The following OR9A4 variants were observed in gnomAD, a reference collection of about 807,000 sequenced individuals.
The protein encoded by OR9A4 is olfactory receptor 9A4.
Under a neutral mutation model 17.1 loss-of-function variants are expected in OR9A4, and 16 were observed. The ratio of observed to expected loss-of-function variants is 0.94; its 90% CI spans 0.64 to 1.43. OR9A4 has a LOEUF of 1.43. Among genes scored for constraint, OR9A4 ranks in the 40% most tolerant of loss-of-function variants. OR9A4 has a pLI of 0.00. For synonymous variants in OR9A4, 167 were observed against 143.3 expected, an observed-to-expected ratio of 1.17 and a Z score of -1.18; for missense variants, 392 against 382.1, an observed-to-expected ratio of 1.03 and a Z score of -0.22.
At position 141,918,896 on chromosome 7, in the gene OR9A4, T is replaced by C; in HGVS notation, c.21T>C (p.Ser7=). 6.2e-7 allele frequency: 1 copy of C among 1,610,248 alleles called. No homozygotes were observed. Residue 7 remains serine (S), a synonymous_variant, in exon 2 of 2, where the codon AGT becomes AGC. Transcript: ENST00000641559. ...ACTAAATGTTGATGAATTACTCTAGTGCCACTGAATTTTATCTCCTTGGCT... is the reference window on the plus strand; with the variant it reads ...ACTAAATGTTGATGAATTACTCTAGCGCCACTGAATTTTATCTCCTTGGCT... MLMNYS[S]ATEFYLLGFP...
chr7:141,919,859 A>G lies in OR9A4; in HGVS notation c.*39A>G, dbSNP rs782285797. On this transcript the variant is annotated 3_prime_UTR_variant, in exon 2 of 2. Coordinates refer to ENST00000641559, the MANE Select transcript of OR9A4 (RefSeq NM_001001656.3). The stretch of plus-strand genomic sequence containing the variant: ...ACTTTTACATGGTAAAGCACTTAGT[A>G]TGGATTCTAGAATAATCTGAAAAGA... 2 of 1,441,058 alleles carry G rather than the reference A, an allele frequency of 1.4e-6. No individual in the cohort carries two copies. Among genetic ancestry groups the G allele is most frequent in the Non-Finnish European group, 1.9e-6 (2 of 1,053,282 alleles). 89.3% of individuals were successfully genotyped at this position (1,441,058 alleles called of 1,614,324 possible).
intron 1 of OR9A4, among the ~76,000 whole-genome samples, chr7:141,917,477 C>T (rs782179723): frequency 2.0e-5 from 3 of 152,116 alleles, no homozygotes; most frequent in Admixed American, 6.5e-5. Flanking sequence ...AACAGGTGGT[C>T]ACGGAGGAGC....
At position 141,916,433 on chromosome 7, in the gene OR9A4, G is replaced by T. The variant is rs1285915; in HGVS notation, c.-234G>T. The T allele has an allele frequency of 0.11, 16,185 of 152,266 alleles. 1,196 individuals are homozygous for T. Among genetic ancestry groups the T allele is most frequent in the Non-Finnish European group, 0.16 (10,926 of 68,034 alleles). 9.4% of individuals were successfully genotyped at this position (152,266 alleles called of 1,614,324 possible). A position where few individuals can be genotyped will look rare whatever the true frequency, so the allele number is the denominator to read the frequency against. ...AAGCAAAGAGAAGGAGAGAGATAGA[G>T]ACAGTTGGACTCTCTCCTCAGCACT... On this transcript the variant is annotated 5_prime_UTR_variant, in exon 1 of 2. Transcript: ENST00000641559.
chr7:141,919,212 G>T lies in OR9A4; in HGVS notation c.337G>T (p.Ala113Ser), dbSNP rs782435363. 3 of 1,614,092 alleles carry T rather than the reference G, an allele frequency of 1.9e-6. No homozygotes were observed. Among genetic ancestry groups the T allele is most frequent in the South Asian group, 2.2e-5 (2 of 91,078 alleles). ...LYLAVGTTEF[A>S]LLGAMAVDRY... is the part of the protein sequence containing the mutation. ...CCTTGCTGTGGGGACAACAGAGTTCGCATTACTTGGAGCAATGGCTGTGGA... is the reference window on the plus strand; with the variant it reads ...CCTTGCTGTGGGGACAACAGAGTTCTCATTACTTGGAGCAATGGCTGTGGA... Residue 113 changes from alanine to serine, a missense_variant, in exon 2 of 2, where the codon GCA becomes TCA. By Grantham distance (99) the Ala-to-Ser change is moderately conservative. Transcript: ENST00000641559.
chr7:141,918,723 A>T (rs1259054863), intron 1 of OR9A4, 123 bp from the exon 2 acceptor site: 1 of 607,404 alleles, frequency 1.6e-6, no homozygotes, highest in Non-Finnish European at 2.9e-6. Context: ...TGACATCAAC[A>T]TCGTGTAGAA....
chr7:141,916,954 C>G (rs150634758), intron 1 of OR9A4, among the ~76,000 whole-genome samples: 1 of 152,170 alleles, frequency 6.6e-6, no homozygotes, highest in Admixed American at 6.5e-5. Flanking sequence ...AGAGAGATTG[C>G]AGGTTGACTT....
Position 141,919,808 on chromosome 7 carries a change from A to G in OR9A4, c.933A>G (p.Leu311=). The change falls in exon 2 of 2, where the codon CTA becomes CTG. Residue 311 remains leucine, a synonymous_variant. Transcript: ENST00000641559. ...ATGGGGTGAAACGCTGCTGTCAACT[A>G]TTCAGGAATTAGCCTTGCTCTGAGG... ...LRDGVKRCCQ[L]FRN 1.2e-6 allele frequency: 2 copies of G among 1,609,900 alleles called. No individual in the cohort carries two copies. The highest frequency in any genetic ancestry group is 4.5e-5 in the East Asian group (2 of 44,820).
At chr7:141,917,892 G>A (rs1234848159) in intron 1 of OR9A4, among the ~76,000 whole-genome samples, 2 of 152,234 alleles carry the variant, frequency 1.3e-5, no homozygotes, top group South Asian at 2.1e-4. Flanking sequence ...GAAGAAGTGG[G>A]TAATCCACTC....
intron 1 of OR9A4, among the ~76,000 whole-genome samples, chr7:141,917,049 A>C (rs181637289): frequency 1.0e-3 from 154 of 152,252 alleles, no homozygotes; most frequent in African/African-American, 3.6e-3. Context: ...TCTTTAATCT[A>C]TTCATTGATA....
In OR9A4 at chr7:141,920,126, T is replaced by G; in HGVS notation, c.*306T>G. The G allele has an allele frequency of 4.1e-6, 1 of 242,574 alleles. No homozygotes were observed. The allele number at this position is 242,574 out of a possible 1,614,324, so 15.0% of individuals were successfully genotyped here. ...AAATGTCAGAGATAGACTATCTATA[T>G]AGTCTAGAAAATAGACTAGTGGTTG... On this transcript the variant is annotated 3_prime_UTR_variant, in exon 2 of 2. Coordinates refer to ENST00000641559, the MANE Select transcript of OR9A4 (RefSeq NM_001001656.3).
rs12671397 is a variant in OR9A4 at position 141,919,352 on chromosome 7, G to T, written c.477G>T (p.Pro159=). 10 of 1,614,060 alleles carry T rather than the reference G, an allele frequency of 6.2e-6. No homozygotes were observed. The highest frequency in any genetic ancestry group is 1.6e-4 in the Middle Eastern group (1 of 6,062). Residue 159 remains proline (P), a synonymous_variant, in exon 2 of 2, where the codon CCG becomes CCT. Transcript: ENST00000641559. The part of the protein sequence containing the change: ...WVFGFLFQIW[P]VYVMFQLTYC... ...TTGGGTTTCTTTTTCAAATCTGGCC[G>T]GTCTATGTCATGTTTCAGCTTACTT...
rs1425304253 is a variant in OR9A4 at position 141,919,654 on chromosome 7, T to G, written c.779T>G (p.Val260Gly). 12 of 1,614,036 alleles carry G rather than the reference T, an allele frequency of 7.4e-6. No homozygotes were observed. The highest frequency in any genetic ancestry group is 5.1e-6 in the Non-Finnish European group (6 of 1,180,036). ...TACGGCAGCTGCTTGTTTCTCTACG[T>G]GAAACCCAAGCAAACGCAGGCAGCT... is the stretch of plus-strand genomic sequence containing the variant. ...IGYGSCLFLY[V>G]KPKQTQAADY... Residue 260 changes from valine to glycine, a missense_variant, in exon 2 of 2, where the codon GTG becomes GGG. Physicochemically the swap from Val to Gly is moderately radical, Grantham distance 109. Coordinates refer to ENST00000641559, the MANE Select transcript of OR9A4 (RefSeq NM_001001656.3).
intron 1 of OR9A4, among the ~76,000 whole-genome samples, chr7:141,918,156 G>A (rs192372603): frequency 2.0e-5 from 3 of 152,312 alleles, no homozygotes; most frequent in Admixed American, 2.0e-4. Context: ...TTTTGAGACG[G>A]AGTCTCACTC....
At chr7:141,917,707 C>T (rs1554438881) in intron 1 of OR9A4, among the ~76,000 whole-genome samples, 2 of 152,162 alleles carry the variant, frequency 1.3e-5, no homozygotes, top group African/African-American at 4.8e-5. Context: ...ATTAAAGTTC[C>T]AGCCTCTTCA....
Position 141,919,761 on chromosome 7 carries a change from A to G in OR9A4, c.886A>G (p.Lys296Glu), listed in dbSNP as rs1802251987. ...NPFIFTLRND[K>E]VIEALRDGVK... Reference sequence around the variant, plus strand: ...TTTCATCTTCACCCTCCGGAATGATAAAGTCATAGAGGCCCTTCGGGATGG... The same window carrying G: ...TTTCATCTTCACCCTCCGGAATGATGAAGTCATAGAGGCCCTTCGGGATGG... Residue 296 changes from lysine (K) to glutamate (E), a missense_variant, in exon 2 of 2, where the codon AAA (lysine) becomes GAA (glutamate). By Grantham distance (56) the Lys-to-Glu change is moderately conservative (BLOSUM62 1). Transcript: ENST00000641559. 6.2e-7 allele frequency: 1 copy of G among 1,614,058 alleles called. No homozygotes were observed. Among genetic ancestry groups the G allele is most frequent in the East Asian group, 2.2e-5 (1 of 44,886 alleles).
At position 141,919,781 on chromosome 7, in the gene OR9A4, G is replaced by A. The variant is rs782445685; in HGVS notation, c.906G>A (p.Arg302=). The change falls in exon 2 of 2, where the codon CGG becomes CGA. Residue 302 remains arginine, a synonymous_variant. Transcript: ENST00000641559. The part of the protein sequence containing the change: ...LRNDKVIEAL[R]DGVKRCCQLF... ...ATGATAAAGTCATAGAGGCCCTTCG[G>A]GATGGGGTGAAACGCTGCTGTCAAC... 76 of 1,613,886 alleles carry A rather than the reference G, an allele frequency of 4.7e-5. 2 individuals carry two copies. The Middle Eastern group carries it at 5.0e-4, about 11-fold the overall frequency.
chr7:141,919,274 C>T lies in OR9A4; in HGVS notation c.399C>T (p.Asn133=). The change falls in exon 2 of 2, where the codon AAC becomes AAT. Residue 133 remains asparagine (N), a synonymous_variant. Transcript: ENST00000641559. ...CTGTCTGTAACCCTCTGAGGTACAACATCATTATGAACAGACACACCTGCA... is the reference window on the plus strand; with the variant it reads ...CTGTCTGTAACCCTCTGAGGTACAATATCATTATGAACAGACACACCTGCA... ...YVAVCNPLRY[N]IIMNRHTCNF... 3 of 1,614,174 alleles carry T rather than the reference C, an allele frequency of 1.9e-6. No individual in the cohort carries two copies. The highest frequency in any genetic ancestry group is 2.5e-6 in the Non-Finnish European group (3 of 1,180,036).
In OR9A4 at chr7:141,919,319, A is replaced by G. The variant is rs1038052403; in HGVS notation, c.444A>G (p.Ser148=). ...RHTCNFVVLV[S]WVFGFLFQIW... is the part of the protein sequence containing the mutation. The stretch of plus-strand genomic sequence containing the variant: ...CCTGCAACTTTGTGGTTCTTGTGTC[A>G]TGGGTGTTTGGGTTTCTTTTTCAAA... The change falls in exon 2 of 2, where the codon TCA becomes TCG. Residue 148 remains serine, a synonymous_variant. Transcript: ENST00000641559. The G allele has an allele frequency of 6.8e-6, 11 of 1,614,010 alleles. No homozygotes were observed. Among genetic ancestry groups the G allele is most frequent in the African/African-American group, 1.3e-5 (1 of 74,890 alleles).
chr7:141,916,816 G>A (rs1802192950), intron 1 of OR9A4, among the ~76,000 whole-genome samples, 180 bp downstream of exon 1: 1 of 152,174 alleles, frequency 6.6e-6, no homozygotes, highest in South Asian at 2.1e-4. Context: ...GCAGAGGGCA[G>A]AATCATTTCT....
Sources: gnomAD v4.1 joint callset for allele counts (sites outside exome capture counted in the v4.1 genomes callset) on GRCh38, gnomAD v4.1.1 for gene constraint, MANE v1.5 for transcripts, NCBI Gene and HGNC (gene_info 2026-07-23, HGNC 2026-07-21) for gene names.